Variants in CHD6 observed in about 807,000 individuals in gnomAD.
CHD6 encodes chromodomain helicase DNA binding protein 6.
Under a neutral mutation model 276.9 loss-of-function variants are expected in CHD6, and 50 were observed. The observed-to-expected ratio is 0.18, with a 90% CI of 0.14 to 0.23. CHD6 has a LOEUF of 0.23. CHD6 is among the 10% of genes least tolerant of loss of function. CHD6 has a pLI of 1.00. For synonymous variants in CHD6, 1,173 were observed against 1,229.3 expected (o/e 0.95, Z 0.96); for missense variants, 2,564 against 3,365.8 (o/e 0.76, Z 5.89).
Position 41,533,327 on chromosome 20 carries a change from T to C in CHD6, c.277A>G (p.Lys93Glu). The change falls in exon 3 of 37, where the codon AAG (lysine) becomes GAG (glutamate). Residue 93 changes from lysine to glutamate, a missense_variant. Physicochemically the swap from Lys to Glu is moderately conservative, Grantham distance 56 (BLOSUM62 1). Transcript: ENST00000373233. ...EDSGGGGTGV[K>E]KKRKKKEPGD... is the part of the protein sequence containing the mutation. ...GGCTCCTTTTTCTTCCGTTTCTTCT[T>C]CACTCCAGTACCTCCTCCTCCACTG... 6.2e-7 allele frequency: 1 copy of C among 1,614,084 alleles called. No individual in the cohort carries two copies. Among genetic ancestry groups the C allele is most frequent in the East Asian group, 2.2e-5 (1 of 44,864 alleles).
chr20:41,466,788 C>A (rs1015043813), intron 17 of CHD6, among the ~76,000 whole-genome samples: 8 of 152,188 alleles, frequency 5.3e-5, no homozygotes, highest in African/African-American at 1.9e-4. Context: ...TTGCTCACTG[C>A]CAGAACCCTG....
At position 41,421,377 on chromosome 20, in the gene CHD6, T is replaced by C. The variant is rs2145468821; in HGVS notation, c.5258A>G (p.Glu1753Gly). ...CATAAAAGTAGGGCCAGAAGCTATTTCTGCCTCAGGGCCACCAGACTGGCA... is the reference window on the plus strand; with the variant it reads ...CATAAAAGTAGGGCCAGAAGCTATTCCTGCCTCAGGGCCACCAGACTGGCA... ...GNCQSGGPEA[E>G]IASGPTFMGS... is the part of the protein sequence containing the mutation. Residue 1753 changes from glutamate to glycine, a missense_variant, in exon 31 of 37, where the codon GAA (glutamate) becomes GGA (glycine). Glu to Gly is a moderately conservative substitution (Grantham distance 98, BLOSUM62 -2). Around this residue, in one of 7 missense-constraint regions of CHD6, gnomAD observed 1,024 missense variants for 1,047.9 expected, o/e 0.98. Coordinates refer to ENST00000373233, the MANE Select transcript of CHD6 (RefSeq NM_032221.5). 1 of 1,614,088 alleles carries C rather than the reference T, an allele frequency of 6.2e-7. No individual in the cohort carries two copies. Among genetic ancestry groups the C allele is most frequent in the Non-Finnish European group, 8.5e-7 (1 of 1,179,978 alleles).
chr20:41,490,011 T>A lies in CHD6; in HGVS notation c.1447A>T (p.Ile483Phe). 1 of 1,613,284 alleles carries A rather than the reference T, an allele frequency of 6.2e-7. No homozygotes were observed. Among genetic ancestry groups the A allele is most frequent in the Non-Finnish European group, 8.5e-7 (1 of 1,179,216 alleles). ...LFNWYNRKNC[I>F]LADEMGLGKT... is the part of the protein sequence containing the mutation. ...CCTAGGCCCATCTCATCAGCCAAAA[T>A]ACAGTTTTTTCTGCAGAGAGTGAGA... The change falls in exon 12 of 37, where the codon ATT becomes TTT. Residue 483 changes from isoleucine to phenylalanine, a missense_variant. Physicochemically the swap from Ile to Phe is conservative, Grantham distance 21 (BLOSUM62 0). Coordinates refer to ENST00000373233, the MANE Select transcript of CHD6 (RefSeq NM_032221.5).
At chr20:41,453,746 G>C (rs1357955469) in intron 20 of CHD6, among the ~76,000 whole-genome samples, 1 of 152,210 alleles carries the variant, frequency 6.6e-6, no homozygotes, top group African/African-American at 2.4e-5. Flanking sequence ...CTTCTTGATT[G>C]CGACACTGTG....
At chr20:41,563,466 C>A (rs535811345) in intron 1 of CHD6, among the ~76,000 whole-genome samples, 1 of 152,208 alleles carries the variant, frequency 6.6e-6, no homozygotes, top group South Asian at 2.1e-4. Flanking sequence ...ATGCCACATT[C>A]GCACAATCAG....
chr20:41,589,359 T>C (rs1166464271), intron 1 of CHD6, among the ~76,000 whole-genome samples: 4 of 152,150 alleles, frequency 2.6e-5, no homozygotes, highest in African/African-American at 9.7e-5. Context: ...TGTTGGAAGT[T>C]CTGGCCAGGG....
intron 3 of CHD6, among the ~76,000 whole-genome samples, chr20:41,528,099 A>G (rs868853948): frequency 2.6e-5 from 4 of 152,238 alleles, no homozygotes; most frequent in African/African-American, 9.6e-5. Context: ...AAAATGAACT[A>G]TAACAGTTCC....
At position 41,547,490 on chromosome 20, in the gene CHD6, T is replaced by C; in HGVS notation, c.33+3815A>G. 2 of 379,966 alleles carry C rather than the reference T, an allele frequency of 5.3e-6. 1 individual carries two copies. The highest frequency in any genetic ancestry group is 1.0e-5 in the Non-Finnish European group (2 of 195,232). 23.5% of individuals were successfully genotyped at this position (379,966 alleles called of 1,614,324 possible). A position where few individuals can be genotyped will look rare whatever the true frequency, so the allele number is the denominator to read the frequency against. ...TGAGGTGCACCGGGGGTGAAGTCGA[T>C]GCCATGTCTGCACTGGCTCCCAGGA... On this transcript the variant is annotated intron_variant, in intron 2 of 36. Transcript: ENST00000373233.
At chr20:41,459,976 C>T (rs886436550) in intron 17 of CHD6, among the ~76,000 whole-genome samples, 3 of 152,222 alleles carry the variant, frequency 2.0e-5, no homozygotes, top group Non-Finnish European at 4.4e-5. Flanking sequence ...GCCCAAAATG[C>T]TGGCAGAGAT....
Position 41,415,278 on chromosome 20 carries a change from C to T in CHD6, c.6847G>A (p.Ala2283Thr). ...VNGSLRRDDAATRRRRGRRKH... is the reference protein window; with the variant it reads ...VNGSLRRDDATTRRRRGRRKH... ...CGCCTCCCTCTCCGCCTCCTCGTGG[C>T]TGCATCATCTCTTCTGAGGCTTCCA... Residue 2283 changes from alanine to threonine, a missense_variant, in exon 34 of 37, where the codon GCC (alanine) becomes ACC (threonine). By Grantham distance (58) the Ala-to-Thr change is moderately conservative. Coordinates refer to ENST00000373233, the MANE Select transcript of CHD6 (RefSeq NM_032221.5). 1 of 1,614,196 alleles carries T rather than the reference C, an allele frequency of 6.2e-7. No individual in the cohort carries two copies. Among genetic ancestry groups the T allele is most frequent in the Non-Finnish European group, 8.5e-7 (1 of 1,180,042 alleles).
rs754043505 is a variant in CHD6, at chr20:41,440,153, C to T, written c.3878-24G>A. On this transcript the variant is annotated intron_variant, in intron 25 of 36. Transcript: ENST00000373233. ...ACCTGATCAAGAGTGGTGAGAAATG[C>T]CAGAAGTCATGTTAGAACTCACAAT... is the stretch of plus-strand genomic sequence containing the variant. The T allele has an allele frequency of 3.1e-6, 5 of 1,606,028 alleles. No individual in the cohort carries two copies. The Admixed American group carries it at 5.0e-5, about 16-fold the overall frequency.
intron 1 of CHD6, among the ~76,000 whole-genome samples, chr20:41,560,306 C>T (rs1379161432): frequency 6.6e-6 from 1 of 152,188 alleles, no homozygotes; most frequent in Non-Finnish European, 1.5e-5. Context: ...ACTGCTCTGA[C>T]ATTATTTCCA....
intron 36 of CHD6, among the ~76,000 whole-genome samples, chr20:41,406,966 T>A (rs184220673): frequency 5.6e-4 from 85 of 152,322 alleles, no homozygotes; most frequent in Non-Finnish European, 8.5e-4. Flanking sequence ...ACAAAGTCAG[T>A]GCTGTTTTAT....
chr20:41,466,829 C>T (rs1569109718), intron 17 of CHD6, among the ~76,000 whole-genome samples: 1 of 152,160 alleles, frequency 6.6e-6, no homozygotes, highest in South Asian at 2.1e-4. Flanking sequence ...CATTTTCAAC[C>T]GAAACTACTC....
intron 17 of CHD6, chr20:41,459,273 G>A (rs1240185600): frequency 6.6e-6 from 1 of 152,280 alleles, no homozygotes; most frequent in Non-Finnish European, 1.5e-5. Context: ...AAGAAGCCCA[G>A]TAAGTACTGG....
intron 16 of CHD6, among the ~76,000 whole-genome samples, chr20:41,480,063 G>C (rs1025256779): frequency 6.6e-6 from 1 of 152,220 alleles, no homozygotes; most frequent in African/African-American, 2.4e-5. Context: ...AATGAGAGCA[G>C]AGTAAAACAT....
chr20:41,584,328 A>G (rs964608311), intron 1 of CHD6, among the ~76,000 whole-genome samples: 1 of 152,222 alleles, frequency 6.6e-6, no homozygotes, highest in Non-Finnish European at 1.5e-5. Context: ...AGAGCTTAAC[A>G]GCATACGATG....
chr20:41,581,399 G>C (rs993250270), intron 1 of CHD6, among the ~76,000 whole-genome samples: 13 of 152,112 alleles, frequency 8.5e-5, no homozygotes, highest in African/African-American at 2.7e-4. Context: ...ATTATCAGCT[G>C]ACCACGGTGG....
intron 36 of CHD6, among the ~76,000 whole-genome samples, chr20:41,410,701 A>G (rs947398216): frequency 1.3e-5 from 2 of 152,172 alleles, no homozygotes; most frequent in African/African-American, 4.8e-5. Flanking sequence ...ACAGCTTAGA[A>G]ATGGGTTTTC....
Sources: allele counts gnomAD v4.1 joint callset (sites outside exome capture counted in the v4.1 genomes callset), GRCh38; gene constraint gnomAD v4.1.1; regional missense constraint gnomAD v4.1.1; transcripts MANE v1.5; gene names NCBI Gene and HGNC (gene_info 2026-07-23, HGNC 2026-07-21).